Variants in FUOM observed in about 807,000 individuals in gnomAD.
FUOM encodes the protein fucose mutarotase, also known as protein fucU homolog.
FUOM carries 19 observed loss-of-function variants against 18.3 expected under a neutral mutation model. The ratio of observed to expected loss-of-function variants is 1.04; its 90% CI spans 0.73 to 1.53. The LOEUF (loss-of-function observed/expected upper bound fraction) is 1.53. FUOM is among the 40% of genes most tolerant of loss of function. The pLI is 0.00. For synonymous variants in FUOM, 102 were observed against 87.9 expected (o/e 1.16, Z -0.90); for missense variants, 210 against 200.9 (o/e 1.04, Z -0.27).
At chr10:133,355,864 G>T in intron 4 of FUOM, 53 bp from the exon 5 acceptor site, 1 of 1,457,832 alleles carries the variant, frequency 6.9e-7, no homozygotes, top group Non-Finnish European at 9.6e-7. Context: ...AACCCTCATG[G>T]GCCAGCCCTG....
At chr10:133,353,942 C>G (rs533079689), downstream of FUOM, among the ~76,000 whole-genome samples, 1 of 150,678 alleles carries the variant, frequency 6.6e-6, no homozygotes, top group Admixed American at 6.6e-5. Context: ...TTGCCCTAGG[C>G]AGCCCAAGCT....
intron 5 of FUOM, 62 bp downstream of exon 5, chr10:133,355,676 G>A (rs1848770197): frequency 6.4e-7 from 1 of 1,557,820 alleles, no homozygotes; most frequent in South Asian, 1.1e-5. Context: ...CCCCGGTGGG[G>A]ATGGGGGCAG....
chr10:133,356,704 T>C lies in FUOM; in HGVS notation c.260A>G (p.Glu87Gly), dbSNP rs1361654912. 6.3e-7 allele frequency: 1 copy of C among 1,598,650 alleles called. No homozygotes were observed. The highest frequency in any genetic ancestry group is 1.3e-5 in the African/African-American group (1 of 74,674). ...CCACACTGGGGTCTGCAGGCCCCTCTCCTTGTCGCTGGGCACCAGCTCCAT... is the reference window on the plus strand; with the variant it reads ...CCACACTGGGGTCTGCAGGCCCCTCCCCTTGTCGCTGGGCACCAGCTCCAT... ...AVMELVPSDK[E>G]RGLQTPVWTE... is the part of the protein sequence containing the mutation. Residue 87 changes from glutamate (E) to glycine (G), a missense_variant, in exon 4 of 6, where the codon GAG becomes GGG. Transcript: ENST00000278025.
chr10:133,357,539 C>T, intron 1 of FUOM: 1 of 516,674 alleles, frequency 1.9e-6, no homozygotes, highest in South Asian at 2.3e-5. Context: ...GACCCGGACC[C>T]GGCCGCCTCC....
chr10:133,357,007 C>T lies in FUOM; in HGVS notation c.161G>A (p.Gly54Asp). 1 of 1,550,034 alleles carries T rather than the reference C, an allele frequency of 6.5e-7. No homozygotes were observed. Among genetic ancestry groups the T allele is most frequent in the Non-Finnish European group, 8.7e-7 (1 of 1,146,930 alleles). Residue 54 changes from glycine to aspartate, a missense_variant, in exon 3 of 6, where the codon GGC becomes GAC. Transcript: ENST00000278025. ...CACGGCCTCCAGGAGCTGCGGGATG[C>T]CCAGGCCTGGAGGGCAGAGGAGGCA... ...GPMEIRADGL[G>D]IPQLLEAVLK...
At chr10:133,355,500 C>T in intron 5 of FUOM, 64 bp from the exon 6 acceptor site, 3 of 1,606,640 alleles carry the variant, frequency 1.9e-6, no homozygotes, top group Non-Finnish European at 2.5e-6. Context: ...GACCCTGCTT[C>T]AGCATCTGGG....
At chr10:133,356,359 C>T (rs1224574707) in intron 4 of FUOM, among the ~76,000 whole-genome samples, 1 of 152,240 alleles carries the variant, frequency 6.6e-6, no homozygotes, top group Non-Finnish European at 1.5e-5. Context: ...CCAGGCTCCA[C>T]TCACAGGCTG....
chr10:133,355,746 C>G lies in FUOM; in HGVS notation c.390G>C (p.Val130=), dbSNP rs763615629. 2.5e-6 allele frequency: 4 copies of G among 1,613,342 alleles called. No homozygotes were observed. Among genetic ancestry groups the G allele is most frequent in the Non-Finnish European group, 2.5e-6 (3 of 1,179,992 alleles). ...YERAKKAFAV[V]ATGETALYGN... is the part of the protein sequence containing the mutation. ...AGCCAGCTGGAACTCACCCCGTTGC[C>G]ACAACAGCAAAAGCCTTCTTAGCCC... The change falls in exon 5 of 6, where the codon GTG becomes GTC. Residue 130 remains valine (V), a synonymous_variant. Coordinates refer to ENST00000278025, the MANE Select transcript of FUOM (RefSeq NM_001098483.3).
In FUOM at chr10:133,355,160, G is replaced by T. The variant is rs979108174; in HGVS notation, c.*210C>A. 3 of 607,212 alleles carry T rather than the reference G, an allele frequency of 4.9e-6. No individual in the cohort carries two copies. The African/African-American group carries it at 5.6e-5, about 11-fold the overall frequency. The allele number at this position is 607,212 out of a possible 1,614,324, so 37.6% of individuals were successfully genotyped here. A position where few individuals can be genotyped will look rare whatever the true frequency, so the allele number is the denominator to read the frequency against. On this transcript the variant is annotated 3_prime_UTR_variant, in exon 6 of 6. Coordinates refer to ENST00000278025, the MANE Select transcript of FUOM (RefSeq NM_001098483.3). Reference sequence around the variant, plus strand: ...CCTGCGTGAGAACAGAGCTGGAATTGGACTCTTGAGACTGAACGTTTTTCC... The same window carrying T: ...CCTGCGTGAGAACAGAGCTGGAATTTGACTCTTGAGACTGAACGTTTTTCC...
downstream of FUOM, chr10:133,355,093 C>T: frequency 2.0e-6 from 1 of 508,116 alleles, no homozygotes; most frequent in Non-Finnish European, 3.5e-6. Context: ...GTGGGGGCCA[C>T]TCTGGAGCCA....
chr10:133,357,934 C>A lies in FUOM; in HGVS notation c.74G>T (p.Gly25Val). The A allele has an allele frequency of 6.6e-7, 1 of 1,525,812 alleles. No homozygotes were observed. Among genetic ancestry groups the A allele is most frequent in the Middle Eastern group, 2.2e-4 (1 of 4,462 alleles). 94.5% of individuals were successfully genotyped at this position (1,525,812 alleles called of 1,614,324 possible). The change falls in exon 1 of 6, where the codon GGG becomes GTG. Residue 25 changes from glycine to valine, a missense_variant. Transcript: ENST00000278025. ...LLYALARMGHGDEIVLADLNF... is the reference protein window; with the variant it reads ...LLYALARMGHVDEIVLADLNF... ...CCCGCTGCGCTCACCGATCTCGTCC[C>A]CGTGCCCCATCCGCGCCAGCGCGTA...
Position 133,356,968 on chromosome 10 carries a change from G to A in FUOM, c.200C>T (p.Pro67Leu). 6.5e-7 allele frequency: 1 copy of A among 1,550,342 alleles called. No individual in the cohort carries two copies. The highest frequency in any genetic ancestry group is 1.4e-5 in the African/African-American group (1 of 73,184). The change falls in exon 3 of 6, where the codon CCC (proline) becomes CTC (leucine). Residue 67 changes from proline (P) to leucine (L), a missense_variant. By Grantham distance (98) the Pro-to-Leu change is moderately conservative (BLOSUM62 -3). Coordinates refer to ENST00000278025, the MANE Select transcript of FUOM (RefSeq NM_001098483.3). ...QLLEAVLKLL[P>L]LDTYVESPAA... ...CGGACTCTCCACATAGGTGTCCAGG[G>A]GCAGCAGCTTCAGCACGGCCTCCAG...
chr10:133,357,846 C>T (rs1021479220), intron 1 of FUOM, 77 bp downstream of exon 1: 27 of 1,289,866 alleles, frequency 2.1e-5, no homozygotes, highest in Middle Eastern at 2.6e-4. Flanking sequence ...CCCTTCCCGG[C>T]CCGGGGGTCC....
downstream of FUOM, among the ~76,000 whole-genome samples, chr10:133,352,904 A>G (rs1226167116): frequency 6.6e-6 from 1 of 152,216 alleles, no homozygotes; most frequent in Non-Finnish European, 1.5e-5. Flanking sequence ...ACCGGGGCCC[A>G]GCCTGCCCTG....
chr10:133,356,584 C>T (rs1210219293), intron 4 of FUOM, 56 bp downstream of exon 4: 2 of 1,343,644 alleles, frequency 1.5e-6, no homozygotes, highest in East Asian at 5.1e-5. Context: ...CCTCCTGAGC[C>T]TCCAGGAGAC....
In FUOM at chr10:133,355,671, G is replaced by A. The variant is rs1848769667; in HGVS notation, c.398+67C>T. ...TAGGGGCAGCTCCTGAGGCCCCCCGGTGGGGATGGGGGCAGCTCCTGAGGC... is the reference window on the plus strand; with the variant it reads ...TAGGGGCAGCTCCTGAGGCCCCCCGATGGGGATGGGGGCAGCTCCTGAGGC... On this transcript the variant is annotated intron_variant, in intron 5 of 5. Coordinates refer to ENST00000278025, the MANE Select transcript of FUOM (RefSeq NM_001098483.3). The A allele has an allele frequency of 5.2e-6, 8 of 1,552,370 alleles. No homozygotes were observed. The East Asian group carries it at 1.6e-4, about 30-fold the overall frequency.
At chr10:133,357,677 C>G in intron 1 of FUOM, 1 of 514,538 alleles carries the variant, frequency 1.9e-6, no homozygotes, top group South Asian at 2.5e-5. Context: ...AGCCCAGACG[C>G]GAGGGCTCTC....
At chr10:133,353,721 G>A (rs1003392717), downstream of FUOM, among the ~76,000 whole-genome samples, 12 of 152,164 alleles carry the variant, frequency 7.9e-5, no homozygotes, top group African/African-American at 2.4e-4. Context: ...AGCTGGAGAG[G>A]CCAGTGACCT....
At chr10:133,357,425 G>C in intron 1 of FUOM, 170 bp from the exon 2 acceptor site, 1 of 683,358 alleles carries the variant, frequency 1.5e-6, no homozygotes, top group Non-Finnish European at 2.6e-6. Flanking sequence ...CGCAGGGCTG[G>C]AAGCCACGCG....
Sources: allele counts gnomAD v4.1 joint callset (sites outside exome capture counted in the v4.1 genomes callset), GRCh38; gene constraint gnomAD v4.1.1; transcripts MANE v1.5; gene names NCBI Gene and HGNC (gene_info 2026-07-23, HGNC 2026-07-21).